GDPD4: variants seen among roughly 807,000 people sequenced by gnomAD.
GDPD4 encodes glycerophosphodiester phosphodiesterase 6.
In GDPD4, 60 loss-of-function variants were observed where a neutral mutation model predicts 67.8. The observed-to-expected ratio is 0.88, with a 90% CI of 0.72 to 1.10. The LOEUF (loss-of-function observed/expected upper bound fraction) is 1.10. Among genes scored for constraint, GDPD4 ranks in the 50% least tolerant of loss-of-function variants. The probability of loss-of-function intolerance (pLI) is 0.00; values close to 1 mark genes in which losing one functional copy is unlikely to be tolerated. For missense variants in GDPD4, 623 were observed against 613.9 expected, an observed-to-expected ratio of 1.01 and a Z score of -0.16; for synonymous variants, 212 against 210.9, an observed-to-expected ratio of 1.00 and a Z score of -0.04.
chr11:77,249,898 T>A (rs1432196498), intron 11 of GDPD4, among the ~76,000 whole-genome samples: 3 of 152,234 alleles, frequency 2.0e-5, no homozygotes, highest in Non-Finnish European at 4.4e-5. Flanking sequence ...ATTTCAAAAA[T>A]TTTTTAAATT....
At chr11:77,267,315 TAAC>T (rs1032391256) in intron 10 of GDPD4, among the ~76,000 whole-genome samples, 3 of 152,216 alleles carry the variant, frequency 2.0e-5, no homozygotes, top group African/African-American at 7.2e-5. Flanking sequence ...TAAAATTGCC[TAAC>T]AACGCATTTC....
chr11:77,223,315 C>CTTTGTGGTTTTAT (rs1306665828), intron 16 of GDPD4, among the ~76,000 whole-genome samples: 1 of 152,000 alleles, frequency 6.6e-6, no homozygotes. Flanking sequence ...TTCTCCCCAT[C>CTTTGTGGTTTTAT]TTTGTGGTTT....
chr11:77,265,710 T>C (rs1232094917), intron 10 of GDPD4, among the ~76,000 whole-genome samples: 2 of 152,204 alleles, frequency 1.3e-5, no homozygotes, highest in African/African-American at 4.8e-5. Flanking sequence ...TTTGTATATT[T>C]TGTTAATTTT....
chr11:77,233,247 A>C lies in GDPD4; in HGVS notation c.1242-75T>G, dbSNP rs1958487470. 14 of 1,450,482 alleles carry C rather than the reference A, an allele frequency of 9.7e-6. No homozygotes were observed. The East Asian group carries it at 3.2e-4, about 33-fold the overall frequency. The allele number at this position is 1,450,482 out of a possible 1,614,324, so 89.9% of individuals were successfully genotyped here. ...ATCATCTAAAAGGAGAACAGCCACC[A>C]TGTTTGTGAAAGGCTGTTGCCTAAA... On this transcript the variant is annotated intron_variant, in intron 13 of 16. Transcript: ENST00000315938.
At chr11:77,278,970 CT>C (rs1289854905) in intron 4 of GDPD4, among the ~76,000 whole-genome samples, 1 of 152,184 alleles carries the variant, frequency 6.6e-6, no homozygotes, top group Admixed American at 6.5e-5. Flanking sequence ...AAAGATACTG[CT>C]GCTGTGAAGC....
At chr11:77,241,653 A>AAT (rs1314961654) in intron 13 of GDPD4, among the ~76,000 whole-genome samples, 1 of 149,388 alleles carries the variant, frequency 6.7e-6, no homozygotes, top group Non-Finnish European at 1.5e-5. Context: ...AAAAAAAAAA[A>AAT]AAAAAAAAAG....
chr11:77,283,516 T>C (rs924650606), intron 3 of GDPD4, among the ~76,000 whole-genome samples: 18 of 151,948 alleles, frequency 1.2e-4, no homozygotes, highest in African/African-American at 4.1e-4. Context: ...AATTTATAAA[T>C]ATAAATAAAT....
At chr11:77,252,113 G>A (rs1176245526) in intron 11 of GDPD4, among the ~76,000 whole-genome samples, 1 of 146,814 alleles carries the variant, frequency 6.8e-6, no homozygotes, top group Non-Finnish European at 1.5e-5. Context: ...GCCCAGGCTG[G>A]AGTGCAGTAG....
At chr11:77,236,774 T>A (rs1156581807) in intron 13 of GDPD4, among the ~76,000 whole-genome samples, 1 of 151,532 alleles carries the variant, frequency 6.6e-6, no homozygotes, top group Non-Finnish European at 1.5e-5. Context: ...GCAATTACAG[T>A]TGGATATATT....
chr11:77,280,285 G>A (rs1240014406), intron 3 of GDPD4, among the ~76,000 whole-genome samples: 1 of 151,836 alleles, frequency 6.6e-6, no homozygotes, highest in Non-Finnish European at 1.5e-5. Flanking sequence ...AATAGAATCA[G>A]AAAAGAGCCA....
intron 13 of GDPD4, among the ~76,000 whole-genome samples, chr11:77,241,474 T>C (rs1958662992): frequency 6.6e-6 from 1 of 151,830 alleles, no homozygotes; most frequent in Non-Finnish European, 1.5e-5. Flanking sequence ...CACGTCTCTA[T>C]GCAGAATTTA....
chr11:77,276,198 C>A lies in GDPD4; in HGVS notation c.170G>T (p.Trp57Leu). 1 of 1,613,710 alleles carries A rather than the reference C, an allele frequency of 6.2e-7. No individual in the cohort carries two copies. Among genetic ancestry groups the A allele is most frequent in the Non-Finnish European group, 8.5e-7 (1 of 1,179,746 alleles). Reference sequence around the variant, plus strand: ...GTGCAGGTATAGTTCAATCCTTTCCCAAAGCAACAAAAATCCAAGTAACTG... The same window carrying A: ...GTGCAGGTATAGTTCAATCCTTTCCAAAAGCAACAAAAATCCAAGTAACTG... ...LLLLLGFLLL[W>L]ERIELYLHLC... is the part of the protein sequence containing the mutation. Residue 57 changes from tryptophan (W) to leucine (L), a missense_variant, in exon 5 of 17, where the codon TGG becomes TTG. Transcript: ENST00000315938.
At chr11:77,276,439 A>G (rs1190908803) in intron 4 of GDPD4, among the ~76,000 whole-genome samples, 1 of 151,642 alleles carries the variant, frequency 6.6e-6, no homozygotes, top group Admixed American at 6.6e-5. Flanking sequence ...TTCAAATCTC[A>G]CCTCCTATTT....
intron 16 of GDPD4, among the ~76,000 whole-genome samples, chr11:77,220,802 C>A (rs1421541618): frequency 6.6e-6 from 1 of 152,066 alleles, no homozygotes. Context: ...CTTTGTATCT[C>A]TGGTAGAATT....
chr11:77,258,636 A>G, intron 10 of GDPD4, 94 bp from the exon 11 acceptor site: 1 of 1,113,930 alleles, frequency 9.0e-7, no homozygotes, highest in Non-Finnish European at 1.4e-6. Context: ...CAAGGTCACA[A>G]GTGTCACTAG....
chr11:77,225,387 G>A (rs775630693), intron 16 of GDPD4, among the ~76,000 whole-genome samples: 1 of 151,590 alleles, frequency 6.6e-6, no homozygotes, highest in Non-Finnish European at 1.5e-5. Context: ...CAGTGGTGGA[G>A]CAGAGGCAGA....
chr11:77,264,921 T>C (rs1238298461), intron 10 of GDPD4, among the ~76,000 whole-genome samples: 2 of 152,148 alleles, frequency 1.3e-5, no homozygotes, highest in Non-Finnish European at 2.9e-5. Context: ...AGGAAATTTA[T>C]ATTTATAAAG....
chr11:77,300,442 G>A (rs1670454), intron 1 of GDPD4, among the ~76,000 whole-genome samples: 113,362 of 151,968 alleles, frequency 0.75, 43,388 homozygotes, highest in African/African-American at 0.93. Flanking sequence ...TTTCTTTTGC[G>A]GCACCGAAAC....
chr11:77,271,349 G>T lies in GDPD4; in HGVS notation c.252C>A (p.Phe84Leu). The change falls in exon 6 of 17, where the codon TTC becomes TTA. Residue 84 changes from phenylalanine (F) to leucine (L), a missense_variant. Transcript: ENST00000315938. ...TTTCTTTCCAGAATTTGCATATAATGAACATTAAAATGACACACAGAAGAA... is the reference window on the plus strand; with the variant it reads ...TTTCTTTCCAGAATTTGCATATAATTAACATTAAAATGACACACAGAAGAA... ...LVILLCVILM[F>L]IICKFWKERW... 6.2e-7 allele frequency: 1 copy of T among 1,613,790 alleles called. No homozygotes were observed. Among genetic ancestry groups the T allele is most frequent in the Non-Finnish European group, 8.5e-7 (1 of 1,179,756 alleles).
Sources: allele counts gnomAD v4.1 joint callset (sites outside exome capture counted in the v4.1 genomes callset), GRCh38; gene constraint gnomAD v4.1.1; transcripts MANE v1.5; gene names NCBI Gene and HGNC (gene_info 2026-07-23, HGNC 2026-07-21).